Variants in COG5 observed in about 807,000 individuals in gnomAD.
COG5 encodes component of oligomeric golgi complex 5.
A neutral mutation model predicts 110.4 loss-of-function variants in COG5; 86 were observed. The observed-to-expected ratio is 0.78, with a 90% CI of 0.65 to 0.93. COG5 has a LOEUF of 0.93. Among genes scored for constraint, COG5 ranks in the 40% least tolerant of loss-of-function variants. The probability of loss-of-function intolerance (pLI) is 0.00; values close to 1 mark genes in which losing one functional copy is unlikely to be tolerated. For synonymous variants in COG5, 360 were observed against 334.6 expected (o/e 1.08, Z -0.83); for missense variants, 1,077 against 987.0 (o/e 1.09, Z -1.22).
At chr7:107,472,162 C>A (rs1329975359) in intron 6 of COG5, 1 of 151,944 alleles carries the variant, frequency 6.6e-6, no homozygotes, top group Middle Eastern at 3.2e-3. Flanking sequence ...TAAAGCAAAA[C>A]AAATACAAAT....
At chr7:107,540,596 T>A (rs1428491831) in intron 5 of COG5, among the ~76,000 whole-genome samples, 2 of 142,484 alleles carry the variant, frequency 1.4e-5, no homozygotes, top group African/African-American at 5.2e-5. Flanking sequence ...AATAAATAAA[T>A]AAAAATTAAA....
intron 6 of COG5, among the ~76,000 whole-genome samples, chr7:107,429,707 T>C (rs1793886197): frequency 2.0e-5 from 3 of 152,182 alleles, no homozygotes; most frequent in South Asian, 2.1e-4. Context: ...AATCCAATTA[T>C]GGGGACGGGT....
intron 6 of COG5, among the ~76,000 whole-genome samples, chr7:107,431,822 A>AT (rs952547259): frequency 1.4e-4 from 22 of 151,848 alleles, no homozygotes; most frequent in Non-Finnish European, 2.4e-4. Flanking sequence ...CACCTAGCTA[A>AT]TTTTTTTATT....
At chr7:107,479,632 T>G (rs977534983) in intron 6 of COG5, among the ~76,000 whole-genome samples, 6 of 152,140 alleles carry the variant, frequency 3.9e-5, no homozygotes, top group African/African-American at 1.4e-4. Context: ...AGAAACAGAT[T>G]ACCCGCAATA....
intron 1 of COG5, 21 bp downstream of exon 1, chr7:107,563,782 G>T (rs755356431): frequency 6.8e-6 from 11 of 1,613,402 alleles, no homozygotes; most frequent in South Asian, 2.2e-5. Flanking sequence ...CCCACGACCT[G>T]GTCAGACCCC....
At chr7:107,475,011 G>T in intron 6 of COG5, 1 of 1,612,768 alleles carries the variant, frequency 6.2e-7, no homozygotes, top group Non-Finnish European at 8.5e-7. Flanking sequence ...TGTCTTTATT[G>T]ATTATTTCTA....
Position 107,256,811 on chromosome 7 carries a change from A to C in COG5, c.1687-17T>G. The C allele has an allele frequency of 6.3e-7, 1 of 1,590,774 alleles. No homozygotes were observed. On this transcript the variant is annotated splice_polypyrimidine_tract_variant and intron_variant, in intron 15 of 21. Coordinates refer to ENST00000297135, the MANE Select transcript of COG5 (RefSeq NM_006348.5). ...GGAAACAACCTAGAACAAGGTTTTG[A>C]TCCAGTTATAGTTTCGCTTAAGTCT...
intron 6 of COG5, among the ~76,000 whole-genome samples, chr7:107,482,529 T>C (rs759017551): frequency 1.4e-4 from 21 of 152,078 alleles, no homozygotes; most frequent in Non-Finnish European, 2.5e-4. Context: ...AGACAGACTA[T>C]GTATCAAGGT....
intron 18 of COG5, among the ~76,000 whole-genome samples, chr7:107,232,736 A>G (rs1278872900): frequency 1.3e-5 from 2 of 152,358 alleles, no homozygotes; most frequent in East Asian, 3.9e-4. Flanking sequence ...GAATTCCATT[A>G]AACAATAAAG....
chr7:107,540,688 A>C (rs1248727853), intron 5 of COG5, among the ~76,000 whole-genome samples: 1 of 151,668 alleles, frequency 6.6e-6, no homozygotes, highest in African/African-American at 2.4e-5. Flanking sequence ...ATTTAAAAGA[A>C]ATTTTAAATA....
intron 6 of COG5, among the ~76,000 whole-genome samples, chr7:107,509,318 G>C (rs1218708877): frequency 6.6e-6 from 1 of 152,136 alleles, no homozygotes; most frequent in African/African-American, 2.4e-5. Flanking sequence ...CGAAATGAAT[G>C]AACTGAAGCG....
chr7:107,288,911 TA>T (rs1805897893), intron 12 of COG5, among the ~76,000 whole-genome samples: 2 of 4,890 alleles, frequency 4.1e-4, no homozygotes, highest in South Asian at 0.01. Flanking sequence ...AACAGAGATA[TA>T]TATATATATA....
At chr7:107,327,599 A>T (rs2129029087) in intron 10 of COG5, among the ~76,000 whole-genome samples, 1 of 152,314 alleles carries the variant, frequency 6.6e-6, no homozygotes, top group Non-Finnish European at 1.5e-5. Context: ...TTCAACAATT[A>T]AAAAAACAAA....
chr7:107,543,460 T>C (rs967895614), intron 5 of COG5, among the ~76,000 whole-genome samples: 1 of 151,934 alleles, frequency 6.6e-6, no homozygotes, highest in Non-Finnish European at 1.5e-5. Flanking sequence ...CCAGACTACA[T>C]CTCCTGGCCC....
chr7:107,489,242 T>A (rs114979869), intron 6 of COG5, among the ~76,000 whole-genome samples: 2 of 152,158 alleles, frequency 1.3e-5, no homozygotes, highest in African/African-American at 2.4e-5. Context: ...AAATATAAAC[T>A]CTTCGCTAAA....
At chr7:107,311,177 G>C (rs992013057) in intron 11 of COG5, among the ~76,000 whole-genome samples, 1 of 152,014 alleles carries the variant, frequency 6.6e-6, no homozygotes, top group Admixed American at 6.6e-5. Flanking sequence ...TAATTTTGTT[G>C]AGAACTCACA....
chr7:107,332,870 T>C (rs1810387759), intron 10 of COG5, among the ~76,000 whole-genome samples: 1 of 151,708 alleles, frequency 6.6e-6, no homozygotes, highest in South Asian at 2.1e-4. Context: ...AAGAAGTTGA[T>C]ACCGGAGAAA....
chr7:107,434,620 G>C (rs957609491), intron 6 of COG5, among the ~76,000 whole-genome samples: 2 of 152,050 alleles, frequency 1.3e-5, no homozygotes, highest in African/African-American at 4.8e-5. Flanking sequence ...TTTAAAAAAA[G>C]ATAAAAAGAA....
intron 14 of COG5, among the ~76,000 whole-genome samples, chr7:107,263,299 A>G (rs1423216000): frequency 6.6e-6 from 1 of 152,242 alleles, no homozygotes; most frequent in East Asian, 1.9e-4. Flanking sequence ...ATCTCAAAGT[A>G]GAAGATGCTT....
Sources: allele counts gnomAD v4.1 joint callset (sites outside exome capture counted in the v4.1 genomes callset), GRCh38; gene constraint gnomAD v4.1.1; transcripts MANE v1.5; gene names NCBI Gene and HGNC (gene_info 2026-07-23, HGNC 2026-07-21).